WFDC1: variants seen among roughly 807,000 people sequenced by gnomAD.
WFDC1 encodes WAP four-disulfide core domain protein 1.
WFDC1 carries 39 observed loss-of-function variants against 32.9 expected under a neutral mutation model. That is an observed-to-expected ratio of 1.19 (90% confidence interval 0.92 to 1.55). The LOEUF (loss-of-function observed/expected upper bound fraction) is 1.55, where lower values mean the gene tolerates loss of function less well. WFDC1 is among the 40% of genes most tolerant of loss of function. The pLI is 0.00. For missense variants in WFDC1, 386 were observed against 309.5 expected, an observed-to-expected ratio of 1.25 and a Z score of -1.85; for synonymous variants, 184 against 137.4, an observed-to-expected ratio of 1.34 and a Z score of -2.37.
In WFDC1 at chr16:84,295,250, G is replaced by A. The variant is rs548383208; in HGVS notation, c.144+135G>A. The stretch of plus-strand genomic sequence containing the variant: ...TGGCAAGGCAGGCGTCTTCCTATCC[G>A]TGTGTGTCTGAGTTGTGTGGTGGGC... On this transcript the variant is annotated intron_variant, in intron 1 of 6. Transcript: ENST00000219454. 1,649 of 1,184,430 alleles carry A rather than the reference G, an allele frequency of 1.4e-3. 30 individuals carry two copies. In the South Asian group the frequency reaches 0.017, roughly 12 times the overall value. The allele number at this position is 1,184,430 out of a possible 1,614,324, so 73.4% of individuals were successfully genotyped here. A position where few individuals can be genotyped will look rare whatever the true frequency, so the allele number is the denominator to read the frequency against.
At chr16:84,304,315 G>C (rs1235574780) in intron 1 of WFDC1, among the ~76,000 whole-genome samples, 1 of 152,142 alleles carries the variant, frequency 6.6e-6, no homozygotes, top group African/African-American at 2.4e-5. Context: ...TGCAACTTCT[G>C]CCTGCGTGGT....
At chr16:84,301,582 A>G (rs1362395708) in intron 1 of WFDC1, among the ~76,000 whole-genome samples, 2 of 152,084 alleles carry the variant, frequency 1.3e-5, no homozygotes, top group Non-Finnish European at 2.9e-5. Context: ...CCCCAGCAGC[A>G]CCCAGGAGGG....
intron 1 of WFDC1, among the ~76,000 whole-genome samples, chr16:84,309,361 G>C (rs1597673501): frequency 6.6e-6 from 1 of 152,286 alleles, no homozygotes; most frequent in African/African-American, 2.4e-5. Flanking sequence ...AGCCTCTGGG[G>C]CCTTGGAGCA....
intron 5 of WFDC1, 144 bp from the exon 6 acceptor site, chr16:84,326,738 A>C: frequency 1.2e-6 from 1 of 821,598 alleles, no homozygotes; most frequent in Non-Finnish European, 2.0e-6. Context: ...GAGGCACTGC[A>C]GGTGGGGACT....
intron 1 of WFDC1, among the ~76,000 whole-genome samples, chr16:84,306,546 C>G (rs534584952): frequency 6.6e-6 from 1 of 152,184 alleles, no homozygotes; most frequent in Non-Finnish European, 1.5e-5. Context: ...GACCCACTCC[C>G]CTAATTCACA....
chr16:84,298,738 G>A (rs1906757768), intron 1 of WFDC1, among the ~76,000 whole-genome samples: 1 of 152,166 alleles, frequency 6.6e-6, no homozygotes, highest in South Asian at 2.1e-4. Flanking sequence ...CTTAGAGTGG[G>A]GCCGGTTAAT....
In WFDC1 at chr16:84,314,143, A is replaced by G. The variant is rs920245422; in HGVS notation, c.337+990A>G. On this transcript the variant is annotated intron_variant, in intron 2 of 6. Coordinates refer to ENST00000219454, the MANE Select transcript of WFDC1 (RefSeq NM_021197.4). ...CACTGCGCGGGGCTGGGAGCAGATAATGAGATGTGTGTTGAATCACGATGC... is the reference window on the plus strand; with the variant it reads ...CACTGCGCGGGGCTGGGAGCAGATAGTGAGATGTGTGTTGAATCACGATGC... 5.3e-5 allele frequency among the ~76,000 whole-genome samples: 8 copies of G among 152,332 alleles called. No individual in the cohort carries two copies. The South Asian group carries it at 1.7e-3, about 32-fold the overall frequency.
chr16:84,309,057 G>A (rs34441891), intron 1 of WFDC1, among the ~76,000 whole-genome samples: 20,381 of 152,246 alleles, frequency 0.13, 1,583 homozygotes, highest in African/African-American at 0.15. Context: ...CCCTAGAGCC[G>A]GGATTTGAAC....
chr16:84,319,207 G>T (rs1908147286), intron 3 of WFDC1: 1 of 569,518 alleles, frequency 1.8e-6, no homozygotes, highest in Admixed American at 3.3e-5. Flanking sequence ...AGGTGAGCTT[G>T]GACTGCCTGT....
chr16:84,298,201 C>T (rs566722268), intron 1 of WFDC1, among the ~76,000 whole-genome samples: 13 of 151,996 alleles, frequency 8.6e-5, no homozygotes, highest in South Asian at 8.3e-4. Flanking sequence ...TCCACCTCCC[C>T]GGCTCAAGTG....
chr16:84,304,916 A>T (rs1020114591), intron 1 of WFDC1, among the ~76,000 whole-genome samples: 1 of 152,166 alleles, frequency 6.6e-6, no homozygotes, highest in Non-Finnish European at 1.5e-5. Flanking sequence ...GAGCCCCTGG[A>T]CTGAAAGAAT....
chr16:84,295,031 C>T lies in WFDC1; in HGVS notation c.60C>T (p.Cys20=). ...GGAGGCAGATCATCCGGGCTCTGTG[C>T]CTCTTGCTACTTCTCCTCCACGCCG... ...SCRRQIIRAL[C]LLLLLLHAGS... The change falls in exon 1 of 7, where the codon TGC becomes TGT. Residue 20 remains cysteine (C), a synonymous_variant. Coordinates refer to ENST00000219454, the MANE Select transcript of WFDC1 (RefSeq NM_021197.4). The T allele has an allele frequency of 6.2e-7, 1 of 1,614,224 alleles. No homozygotes were observed. Among genetic ancestry groups the T allele is most frequent in the Non-Finnish European group, 8.5e-7 (1 of 1,180,038 alleles).
At chr16:84,327,765 C>G (rs939924301) in intron 6 of WFDC1, 3 of 152,248 alleles carry the variant, frequency 2.0e-5, no homozygotes, top group South Asian at 2.1e-4. Flanking sequence ...GAAGTCTTGT[C>G]TATCTCTTCT....
intron 1 of WFDC1, among the ~76,000 whole-genome samples, chr16:84,303,805 A>G (rs1907087353): frequency 6.6e-6 from 1 of 152,190 alleles, no homozygotes; most frequent in African/African-American, 2.4e-5. Flanking sequence ...GAAACCCTGC[A>G]GCCATTAGCC....
At chr16:84,323,611 G>T (rs1459231715) in intron 4 of WFDC1, among the ~76,000 whole-genome samples, 1 of 152,150 alleles carries the variant, frequency 6.6e-6, no homozygotes, top group Non-Finnish European at 1.5e-5. Context: ...AACTTTAAGA[G>T]GTACTAATTT....
intron 2 of WFDC1, among the ~76,000 whole-genome samples, chr16:84,315,479 A>C (rs1907894574): frequency 6.6e-6 from 1 of 152,092 alleles, no homozygotes; most frequent in South Asian, 2.1e-4. Flanking sequence ...ATAAATATTC[A>C]CTCATTCATT....
At chr16:84,299,611 C>A (rs573869187) in intron 1 of WFDC1, among the ~76,000 whole-genome samples, 2 of 152,200 alleles carry the variant, frequency 1.3e-5, no homozygotes, top group Admixed American at 6.5e-5. Context: ...GCCACGTATT[C>A]GCTCTTGGGA....
chr16:84,305,585 T>C (rs762227966), intron 1 of WFDC1, among the ~76,000 whole-genome samples: 3 of 152,168 alleles, frequency 2.0e-5, no homozygotes, highest in East Asian at 1.9e-4. Flanking sequence ...GCTATGGAGA[T>C]GGTGGGCGTT....
At chr16:84,318,631 T>C (rs950789132) in intron 3 of WFDC1, 2 of 357,686 alleles carry the variant, frequency 5.6e-6, no homozygotes, top group South Asian at 3.6e-5. Flanking sequence ...GGGCTTAGGG[T>C]TGGTTTTCAA....
Sources: gnomAD v4.1 joint callset for allele counts (sites outside exome capture counted in the v4.1 genomes callset) on GRCh38, gnomAD v4.1.1 for gene constraint, MANE v1.5 for transcripts, NCBI Gene and HGNC (gene_info 2026-07-23, HGNC 2026-07-21) for gene names.